Variants in VASH1 observed in about 807,000 individuals in gnomAD.
VASH1 encodes vasohibin 1.
In VASH1, 16 loss-of-function variants were observed where a neutral mutation model predicts 35.0. The observed-to-expected ratio is 0.46, with a 90% confidence interval of 0.31 to 0.70. The LOEUF is 0.70. Ranked by LOEUF, VASH1 falls within the 30% of genes least tolerant of loss-of-function variation. VASH1 has a pLI of 0.05. For synonymous variants in VASH1, 214 were observed against 200.9 expected (o/e 1.07, Z -0.55); for missense variants, 505 against 510.7 (o/e 0.99, Z 0.11).
chr14:76,767,771 G>A (rs1893683109), intron 1 of VASH1, among the ~76,000 whole-genome samples: 1 of 152,210 alleles, frequency 6.6e-6, no homozygotes, highest in African/African-American at 2.4e-5. Context: ...TCTGCAGTGG[G>A]GTGACATGAG....
chr14:76,769,553 G>C, intron 1 of VASH1: 3 of 1,178,994 alleles, frequency 2.5e-6, no homozygotes, highest in Non-Finnish European at 3.3e-6. Context: ...ATGGGACCCC[G>C]GATATACCAG....
At position 76,762,741 on chromosome 14, in the gene VASH1, T is replaced by G; in HGVS notation, c.-81T>G. The G allele has an allele frequency of 7.6e-7, 1 of 1,320,130 alleles. No individual in the cohort carries two copies. The highest frequency in any genetic ancestry group is 1.0e-6 in the Non-Finnish European group (1 of 997,196). The allele number at this position is 1,320,130 out of a possible 1,614,324, so 81.8% of individuals were successfully genotyped here. A position where few individuals can be genotyped will look rare whatever the true frequency, so the allele number is the denominator to read the frequency against. The stretch of plus-strand genomic sequence containing the variant: ...GGCGCCTTGCACTCTGGCCATGTGT[T>G]ATCTCTGCAGCCGGTGTGTGGGAGG... On this transcript the variant is annotated 5_prime_UTR_variant, in exon 1 of 7. Transcript: ENST00000167106.
At chr14:76,770,186 G>T in intron 2 of VASH1, 135 bp downstream of exon 2, 3 of 790,662 alleles carry the variant, frequency 3.8e-6, no homozygotes, top group East Asian at 5.5e-5. Flanking sequence ...TGACATCTCT[G>T]TGCTCCCTGG....
intron 6 of VASH1, among the ~76,000 whole-genome samples, chr14:76,778,279 ACT>A (rs1363203523): frequency 3.3e-5 from 5 of 151,890 alleles, no homozygotes; most frequent in African/African-American, 1.2e-4. Flanking sequence ...GAGAAACCAA[ACT>A]CTGCTAGCCC....
In VASH1 at chr14:76,776,103, G is replaced by A. The variant is rs773461824; in HGVS notation, c.742G>A (p.Gly248Ser). 1.9e-6 allele frequency: 3 copies of A among 1,608,716 alleles called. No homozygotes were observed. The highest frequency in any genetic ancestry group is 1.3e-5 in the African/African-American group (1 of 74,910). Residue 248 changes from glycine to serine, a missense_variant, in exon 5 of 7, where the codon GGC becomes AGC. Transcript: ENST00000167106. ...ELVLDFEAAY[G>S]RCWHVLKKVK... is the part of the protein sequence containing the mutation. ...CGTGCTGGACTTCGAGGCCGCCTAC[G>A]GCCGCTGCTGGCACGTGCTCAAGAA... is the stretch of plus-strand genomic sequence containing the variant.
chr14:76,778,983 A>G lies in VASH1; in HGVS notation c.1063A>G (p.Met355Val). The G allele has an allele frequency of 6.2e-7, 1 of 1,614,180 alleles. No individual in the cohort carries two copies. Among genetic ancestry groups the G allele is most frequent in the Non-Finnish European group, 8.5e-7 (1 of 1,180,032 alleles). The change falls in exon 7 of 7, where the codon ATG becomes GTG. Residue 355 changes from methionine to valine, a missense_variant. Met to Val is a conservative substitution (Grantham distance 21). Transcript: ENST00000167106. ...GDKKTSEPKA[M>V]PDLNGYQIRV is the part of the protein sequence containing the mutation. ...CAAGAAGACTTCCGAGCCCAAAGCC[A>G]TGCCAGACCTTAACGGGTACCAGAT...
chr14:76,776,665 A>C (rs1893954582), intron 5 of VASH1, among the ~76,000 whole-genome samples: 1 of 152,178 alleles, frequency 6.6e-6, no homozygotes, highest in African/African-American at 2.4e-5. Context: ...AAGTCAGACC[A>C]TGTGGAAGAC....
At chr14:76,776,675 C>T (rs1220065799) in intron 5 of VASH1, among the ~76,000 whole-genome samples, 1 of 152,138 alleles carries the variant, frequency 6.6e-6, no homozygotes, top group Non-Finnish European at 1.5e-5. Context: ...ATGTGGAAGA[C>T]AATGAGGGCA....
chr14:76,772,018 G>A (rs904081171), intron 3 of VASH1, among the ~76,000 whole-genome samples: 2 of 152,178 alleles, frequency 1.3e-5, no homozygotes. Flanking sequence ...GAGGTGGGCG[G>A]ATCATGAGGT....
rs1893512425 is a variant in VASH1, at chr14:76,761,826, C to G, written c.-996C>G. 6.6e-6 allele frequency among the ~76,000 whole-genome samples: 1 copy of G among 151,696 alleles called. No individual in the cohort carries two copies. The highest frequency in any genetic ancestry group is 6.6e-5 in the Admixed American group (1 of 15,232). On this transcript the variant is annotated 5_prime_UTR_variant, in exon 1 of 7. Transcript: ENST00000167106. ...CGCCCGCCCGGGCCGCGCCACCGCC[C>G]ATGCTGCAGCCAGTCCCAGGCAGCG...
chr14:76,771,669 G>A (rs1019261704), intron 3 of VASH1, among the ~76,000 whole-genome samples: 6 of 152,220 alleles, frequency 3.9e-5, no homozygotes, highest in African/African-American at 1.4e-4. Flanking sequence ...CAGGGTACTT[G>A]CATGGTCACC....
intron 4 of VASH1, 135 bp downstream of exon 4, chr14:76,773,346 G>A: frequency 3.5e-6 from 3 of 863,880 alleles, no homozygotes; most frequent in Non-Finnish European, 5.4e-6. Flanking sequence ...GCCCCAAGAT[G>A]GAGAAGCACC....
Position 76,776,017 on chromosome 14 carries a change from G to A in VASH1, c.656G>A (p.Gly219Asp). Reference protein sequence around the residue: ...VNFAGRYGALGMSRREDLMYK... With the variant: ...VNFAGRYGALDMSRREDLMYK... ...TTCGCGGGCCGCTACGGTGCGCTGGGCATGAGTCGGCGCGAGGACCTGATG... is the reference window on the plus strand; with the variant it reads ...TTCGCGGGCCGCTACGGTGCGCTGGACATGAGTCGGCGCGAGGACCTGATG... Residue 219 changes from glycine to aspartate, a missense_variant, in exon 5 of 7, where the codon GGC becomes GAC. By Grantham distance (94) the Gly-to-Asp change is moderately conservative. Transcript: ENST00000167106. The A allele has an allele frequency of 6.2e-7, 1 of 1,612,734 alleles. No individual in the cohort carries two copies. The highest frequency in any genetic ancestry group is 8.5e-7 in the Non-Finnish European group (1 of 1,179,834).
chr14:76,770,528 TCTC>T (rs1210973558), intron 2 of VASH1, among the ~76,000 whole-genome samples: 1 of 152,126 alleles, frequency 6.6e-6, no homozygotes, highest in Non-Finnish European at 1.5e-5. Flanking sequence ...CTCCAGTTCT[TCTC>T]CTTTTTTTCC....
rs754312868 is a variant in VASH1, at chr14:76,779,011, G to A, written c.1091G>A (p.Arg364Gln). 14 of 1,613,892 alleles carry A rather than the reference G, an allele frequency of 8.7e-6. No homozygotes were observed. Among genetic ancestry groups the A allele is most frequent in the East Asian group, 4.5e-5 (2 of 44,898 alleles). The stretch of plus-strand genomic sequence containing the variant: ...CCAGACCTTAACGGGTACCAGATCC[G>A]GGTCTGAGGCGGATGCCAGCACCCC... ...AMPDLNGYQIRV is the reference protein window; with the variant it reads ...AMPDLNGYQIQV Residue 364 changes from arginine (R) to glutamine (Q), a missense_variant, in exon 7 of 7, where the codon CGG (arginine) becomes CAG (glutamine). Arg to Gln is a conservative substitution (Grantham distance 43). Coordinates refer to ENST00000167106, the MANE Select transcript of VASH1 (RefSeq NM_014909.5).
At chr14:76,772,101 G>C (rs1389270099) in intron 3 of VASH1, among the ~76,000 whole-genome samples, 1 of 152,104 alleles carries the variant, frequency 6.6e-6, no homozygotes, top group Non-Finnish European at 1.5e-5. Context: ...TTAGCTGGGC[G>C]TGGTGGTGGG....
chr14:76,779,629 C>G lies in VASH1; in HGVS notation c.*611C>G. The G allele has an allele frequency of 1.6e-6, 1 of 612,928 alleles. No individual in the cohort carries two copies. Among genetic ancestry groups the G allele is most frequent in the Non-Finnish European group, 2.9e-6 (1 of 343,806 alleles). The allele number at this position is 612,928 out of a possible 1,614,324, so 38.0% of individuals were successfully genotyped here. On this transcript the variant is annotated 3_prime_UTR_variant, in exon 7 of 7. Transcript: ENST00000167106. ...AGCATGAGCTCGTGGCTCAGGAGAG[C>G]CTTCAGGCCCTTGAGGCCCCCATGG...
chr14:76,777,216 C>G (rs2140188551), intron 5 of VASH1, among the ~76,000 whole-genome samples: 1 of 152,370 alleles, frequency 6.6e-6, no homozygotes, highest in South Asian at 2.1e-4. Context: ...TCCCCTAGGG[C>G]AGAGGCAGGC....
intron 1 of VASH1, among the ~76,000 whole-genome samples, chr14:76,766,622 G>T (rs1015268760): frequency 1.3e-5 from 2 of 151,908 alleles, no homozygotes; most frequent in African/African-American, 4.8e-5. Flanking sequence ...TTTATTTTTT[G>T]GTTGAGATGG....
Sources: allele counts gnomAD v4.1 joint callset (sites outside exome capture counted in the v4.1 genomes callset), GRCh38; gene constraint gnomAD v4.1.1; transcripts MANE v1.5; gene names NCBI Gene and HGNC (gene_info 2026-07-23, HGNC 2026-07-21).